The following ANKRD33B variants were observed in gnomAD, a reference collection of about 807,000 sequenced individuals.
ANKRD33B encodes the protein ankyrin repeat domain-containing protein 33B.
In ANKRD33B, 6 loss-of-function variants were observed where a neutral mutation model predicts 21.5. That is an observed-to-expected ratio of 0.28 (90% CI 0.15 to 0.55). ANKRD33B has a LOEUF of 0.55. Among genes scored for constraint, ANKRD33B ranks in the 20% least tolerant of loss-of-function variants. The pLI is 0.94. For synonymous variants in ANKRD33B, 347 were observed against 342.4 expected, an observed-to-expected ratio of 1.01 and a Z score of -0.15; for missense variants, 698 against 747.2, an observed-to-expected ratio of 0.93 and a Z score of 0.77.
intron 3 of ANKRD33B, among the ~76,000 whole-genome samples, chr5:10,645,435 A>C (rs879652704): frequency 2.0e-5 from 3 of 151,758 alleles, no homozygotes; most frequent in Non-Finnish European, 4.4e-5. Flanking sequence ...CTTGAGAATG[A>C]GTGATGGAAA....
At chr5:10,577,507 C>T (rs944356452) in intron 1 of ANKRD33B, among the ~76,000 whole-genome samples, 6 of 152,220 alleles carry the variant, frequency 3.9e-5, no homozygotes, top group African/African-American at 1.2e-4. Context: ...CTGATTCTGT[C>T]CGGTGTCGGG....
At chr5:10,635,886 G>C (rs1161638512) in intron 2 of ANKRD33B, among the ~76,000 whole-genome samples, 1 of 152,240 alleles carries the variant, frequency 6.6e-6, no homozygotes, top group Non-Finnish European at 1.5e-5. Flanking sequence ...GGGAGCAGAG[G>C]CCAAGGGCGC....
In ANKRD33B at chr5:10,653,337, G is replaced by A. The variant is rs1306377123; in HGVS notation, c.*3224G>A. On this transcript the variant is annotated 3_prime_UTR_variant, in exon 4 of 4. Coordinates refer to ENST00000296657, the MANE Select transcript of ANKRD33B (RefSeq NM_001164440.2). ...CAAACCTCTTGCCTCGACCTGTGGG[G>A]GGCCTTCTGCTCTTGTTTTCTCATT... is the stretch of plus-strand genomic sequence containing the variant. The A allele has an allele frequency of 6.6e-6, 1 of 152,412 alleles. No homozygotes were observed. The highest frequency in any genetic ancestry group is 2.4e-5 in the African/African-American group (1 of 41,444). 9.4% of individuals were successfully genotyped at this position (152,412 alleles called of 1,614,324 possible). A position where few individuals can be genotyped will look rare whatever the true frequency, so the allele number is the denominator to read the frequency against.
At chr5:10,578,507 G>T (rs540905762) in intron 1 of ANKRD33B, among the ~76,000 whole-genome samples, 4 of 152,260 alleles carry the variant, frequency 2.6e-5, no homozygotes, top group Admixed American at 2.0e-4. Context: ...GGCAGGACCC[G>T]CATGGGGACA....
intron 3 of ANKRD33B, among the ~76,000 whole-genome samples, chr5:10,648,699 C>T (rs1156885672): frequency 2.6e-5 from 4 of 152,010 alleles, no homozygotes; most frequent in African/African-American, 7.3e-5. Context: ...GCAGAGGTTG[C>T]GGTGAACGGA....
chr5:10,628,401 C>T (rs1443998356), intron 2 of ANKRD33B, among the ~76,000 whole-genome samples: 2 of 152,154 alleles, frequency 1.3e-5, no homozygotes, highest in South Asian at 2.1e-4. Flanking sequence ...AGGCTGGTAT[C>T]GAACTCCTGA....
In ANKRD33B at chr5:10,623,654, T is replaced by C. The variant is rs552492434; in HGVS notation, c.496+5192T>C. Among the ~76,000 whole-genome samples, 4 of 152,338 alleles carry C rather than the reference T, an allele frequency of 2.6e-5. No individual in the cohort carries two copies. In the South Asian group the frequency reaches 8.3e-4, roughly 32 times the overall value. The stretch of plus-strand genomic sequence containing the variant: ...GAAGCTGGATAGGAGGGAAGATTCC[T>C]GTGTTCTCAGCTCTCTTGGGAGCTG... On this transcript the variant is annotated intron_variant, in intron 2 of 3. Transcript: ENST00000296657.
At chr5:10,638,239 T>G in intron 3 of ANKRD33B, 71 bp downstream of exon 3, 1 of 1,490,060 alleles carries the variant, frequency 6.7e-7, no homozygotes, top group African/African-American at 1.4e-5. Flanking sequence ...TGGAATATGT[T>G]TTGAGATTAA....
chr5:10,633,414 T>A (rs1736779942), intron 2 of ANKRD33B, among the ~76,000 whole-genome samples: 1 of 128,560 alleles, frequency 7.8e-6, no homozygotes, highest in African/African-American at 2.7e-5. Context: ...CCTCTTTTTT[T>A]AAAATAAACT....
chr5:10,629,415 G>A (rs1328974551), intron 2 of ANKRD33B, among the ~76,000 whole-genome samples: 1 of 152,206 alleles, frequency 6.6e-6, no homozygotes, highest in African/African-American at 2.4e-5. Context: ...GAGGGAGGAT[G>A]TGGAGGGCTT....
intron 1 of ANKRD33B, among the ~76,000 whole-genome samples, chr5:10,583,066 G>A (rs1206160725): frequency 2.0e-5 from 3 of 151,080 alleles, no homozygotes; most frequent in Admixed American, 6.6e-5. Flanking sequence ...GGGCAATCTC[G>A]GCTAACTGCA....
chr5:10,618,460 C>A lies in ANKRD33B; in HGVS notation c.494C>A (p.Ala165Glu). ...GNTALITAAQ[A>E]GHAIITNYLL... ...ACAGCCCTAATCACAGCTGCACAGG[C>A]AGGTAAGAGCTGGCTTTCCCCTTTC... The change falls in exon 2 of 4, where the codon GCA (alanine) becomes GAA (glutamate). Residue 165 changes from alanine to glutamate, a missense_variant and splice_region_variant. Ala to Glu is a moderately radical substitution (Grantham distance 107). Coordinates refer to ENST00000296657, the MANE Select transcript of ANKRD33B (RefSeq NM_001164440.2). 1 of 1,527,780 alleles carries A rather than the reference C, an allele frequency of 6.5e-7. No homozygotes were observed. Among genetic ancestry groups the A allele is most frequent in the Admixed American group, 2.0e-5 (1 of 50,146 alleles). The allele number at this position is 1,527,780 out of a possible 1,614,324, so 94.6% of individuals were successfully genotyped here. A position where few individuals can be genotyped will look rare whatever the true frequency, so the allele number is the denominator to read the frequency against.
At chr5:10,635,966 G>A (rs532925510) in intron 2 of ANKRD33B, among the ~76,000 whole-genome samples, 1 of 152,220 alleles carries the variant, frequency 6.6e-6, no homozygotes, top group Non-Finnish European at 1.5e-5. Context: ...TCATGCTCAC[G>A]TAGTATTCTG....
intron 1 of ANKRD33B, among the ~76,000 whole-genome samples, chr5:10,569,590 G>A (rs1033086876): frequency 2.1e-5 from 2 of 93,428 alleles, no homozygotes; most frequent in Admixed American, 1.1e-4. Flanking sequence ...AACAAGACCC[G>A]TGTTTGAAAA....
chr5:10,585,970 A>T (rs975287775), intron 1 of ANKRD33B, among the ~76,000 whole-genome samples: 1 of 152,200 alleles, frequency 6.6e-6, no homozygotes, highest in Admixed American at 6.5e-5. Flanking sequence ...GGAGGCCAAG[A>T]CAAGTACAAG....
Position 10,656,045 on chromosome 5 carries a change from A to G in ANKRD33B, c.*5932A>G, listed in dbSNP as rs1284413288. The G allele has an allele frequency of 6.6e-6, 1 of 152,144 alleles. No individual in the cohort carries two copies. Among genetic ancestry groups the G allele is most frequent in the Non-Finnish European group, 1.5e-5 (1 of 68,014 alleles). The allele number at this position is 152,144 out of a possible 1,614,324, so 9.4% of individuals were successfully genotyped here. On this transcript the variant is annotated 3_prime_UTR_variant, in exon 4 of 4. Coordinates refer to ENST00000296657, the MANE Select transcript of ANKRD33B (RefSeq NM_001164440.2). ...GCTGCCGAGAGCTTACAACAAAAGC[A>G]GTTCCTCTCAAGACACTGCTTGCAT...
At chr5:10,566,670 C>T (rs779973934) in intron 1 of ANKRD33B, among the ~76,000 whole-genome samples, 4 of 152,228 alleles carry the variant, frequency 2.6e-5, no homozygotes, top group Admixed American at 2.0e-4. Flanking sequence ...CTGACAGCAA[C>T]GTAAACCATC....
At chr5:10,598,245 G>A (rs765286749) in intron 1 of ANKRD33B, among the ~76,000 whole-genome samples, 20 of 152,022 alleles carry the variant, frequency 1.3e-4, no homozygotes, top group East Asian at 5.8e-4. Context: ...GCCTTGTTGC[G>A]TTTTAACCAT....
At chr5:10,580,583 G>A (rs1471828142) in intron 1 of ANKRD33B, among the ~76,000 whole-genome samples, 1 of 152,096 alleles carries the variant, frequency 6.6e-6, no homozygotes, top group African/African-American at 2.4e-5. Flanking sequence ...TGGTTTCTCT[G>A]GATCTTGTCT....
Sources: allele counts gnomAD v4.1 joint callset (sites outside exome capture counted in the v4.1 genomes callset), GRCh38; gene constraint gnomAD v4.1.1; transcripts MANE v1.5; gene names NCBI Gene and HGNC (gene_info 2026-07-23, HGNC 2026-07-21).